VDAC1: variants seen among roughly 807,000 people sequenced by gnomAD.
VDAC1 encodes non-selective voltage-gated ion channel VDAC1.
A neutral mutation model predicts 34.7 loss-of-function variants in VDAC1; 10 were observed. That is an observed-to-expected ratio of 0.29 (90% CI 0.18 to 0.49). The LOEUF is 0.49. VDAC1 is among the 20% of genes least tolerant of loss of function. VDAC1 has a pLI of 0.99. For missense variants in VDAC1, 230 were observed against 347.9 expected (o/e 0.66, Z 2.69); for synonymous variants, 130 against 136.0 (o/e 0.96, Z 0.30).
the VDAC1 span, among the ~76,000 whole-genome samples, chr5:134,083,233 G>C: frequency 1.4e-5 from 2 of 143,350 alleles, no homozygotes; most frequent in Non-Finnish European, 3.0e-5. Flanking sequence ...TTGTTGTCCA[G>C]GCTGGAGTGC....
chr5:134,106,671 G>T, the VDAC1 span, among the ~76,000 whole-genome samples: 1 of 152,150 alleles, frequency 6.6e-6, no homozygotes, highest in African/African-American at 2.4e-5. Context: ...CTCACAAAGT[G>T]CTGGGATTAC....
chr5:134,035,835 TC>T, the VDAC1 span, among the ~76,000 whole-genome samples: 1 of 151,818 alleles, frequency 6.6e-6, no homozygotes, highest in Non-Finnish European at 1.5e-5. Context: ...TGAAACCCCG[TC>T]TCTACTAAAA....
the VDAC1 span, among the ~76,000 whole-genome samples, chr5:134,049,980 G>A: frequency 6.6e-6 from 1 of 152,162 alleles, no homozygotes; most frequent in Non-Finnish European, 1.5e-5. Flanking sequence ...CCCAGGCGCG[G>A]TGGCTCACGC....
rs1437715306 is a variant in VDAC1, at chr5:133,980,868, T to A, written c.412A>T (p.Ile138Phe). The A allele has an allele frequency of 2.5e-6, 4 of 1,613,982 alleles. No individual in the cohort carries two copies. The East Asian group carries it at 6.7e-5, about 27-fold the overall frequency. The change falls in exon 6 of 9, where the codon ATC (isoleucine) becomes TTC (phenylalanine). Residue 138 changes from isoleucine (I) to phenylalanine (F), a missense_variant. Ile to Phe is a conservative substitution (Grantham distance 21, BLOSUM62 0). Coordinates refer to ENST00000265333, the MANE Select transcript of VDAC1 (RefSeq NM_003374.3). ...DMDFDIAGPS[I>F]RGALVLGYEG... ...TAACCTAGCACCAGAGCACCCCGGA[T>A]GGAAGGCCCAGCAATGTCGAAATCC...
chr5:134,015,135 C>G, the VDAC1 span, among the ~76,000 whole-genome samples: 89 of 152,056 alleles, frequency 5.9e-4, no homozygotes, highest in African/African-American at 2.1e-3. Context: ...TGCATGTTCT[C>G]ACTTATAAGT....
the VDAC1 span, among the ~76,000 whole-genome samples, chr5:134,057,633 G>T: frequency 4.6e-5 from 7 of 151,386 alleles, no homozygotes; most frequent in African/African-American, 1.7e-4. Flanking sequence ...AGGTTACAGT[G>T]AGCAGAGATT....
the VDAC1 span, among the ~76,000 whole-genome samples, chr5:134,053,586 G>T: frequency 6.6e-6 from 1 of 152,186 alleles, no homozygotes; most frequent in African/African-American, 2.4e-5. Flanking sequence ...GAAGCCTGGG[G>T]GGAAACAGAA....
At chr5:134,096,042 C>G in the VDAC1 span, among the ~76,000 whole-genome samples, 1 of 152,210 alleles carries the variant, frequency 6.6e-6, no homozygotes, top group Non-Finnish European at 1.5e-5. Flanking sequence ...CCCTTGAGAC[C>G]GATAAGCCAT....
At chr5:134,005,384 TA>T (rs1027469921), upstream of VDAC1, 8 of 152,308 alleles carry the variant, frequency 5.3e-5, no homozygotes, top group African/African-American at 1.7e-4. Flanking sequence ...GCGCTCCGGA[TA>T]CAATGTGTCT....
At chr5:133,991,203 G>A in intron 3 of VDAC1, 49 bp from the exon 4 acceptor site, 5 of 1,600,886 alleles carry the variant, frequency 3.1e-6, no homozygotes, top group Non-Finnish European at 4.2e-6. Flanking sequence ...CACTCACTTG[G>A]CTTCACTTCA....
At chr5:134,046,005 C>T in the VDAC1 span, among the ~76,000 whole-genome samples, 2 of 139,822 alleles carry the variant, frequency 1.4e-5, no homozygotes, top group Non-Finnish European at 1.5e-5. Flanking sequence ...TTTTTTTTTT[C>T]CATTTTTATT....
chr5:134,010,289 A>C, the VDAC1 span, among the ~76,000 whole-genome samples: 1 of 152,036 alleles, frequency 6.6e-6, no homozygotes, highest in Non-Finnish European at 1.5e-5. Context: ...CCTTGAGGAA[A>C]TATGGTTACA....
chr5:134,061,136 A>G, the VDAC1 span, among the ~76,000 whole-genome samples: 4 of 146,862 alleles, frequency 2.7e-5, 1 homozygote, highest in Non-Finnish European at 6.0e-5. Flanking sequence ...AAGTGCTGGG[A>G]TTACAGACAT....
At position 133,980,841 on chromosome 5, in the gene VDAC1, C is replaced by T. The variant is rs1293289679; in HGVS notation, c.439G>A (p.Glu147Lys). 4 of 1,613,802 alleles carry T rather than the reference C, an allele frequency of 2.5e-6. No individual in the cohort carries two copies. The highest frequency in any genetic ancestry group is 2.2e-5 in the East Asian group (1 of 44,882). Reference sequence around the variant, plus strand: ...ATCTGGTAGCCGGCCAGCCAGCCCTCGTAACCTAGCACCAGAGCACCCCGG... The same window carrying T: ...ATCTGGTAGCCGGCCAGCCAGCCCTTGTAACCTAGCACCAGAGCACCCCGG... ...SIRGALVLGY[E>K]GWLAGYQMNF... The change falls in exon 6 of 9, where the codon GAG becomes AAG. Residue 147 changes from glutamate (E) to lysine (K), a missense_variant. Glu to Lys is a moderately conservative substitution (Grantham distance 56). Transcript: ENST00000265333.
chr5:133,987,018 T>C (rs1387299554), intron 5 of VDAC1, among the ~76,000 whole-genome samples: 2 of 152,232 alleles, frequency 1.3e-5, no homozygotes, highest in African/African-American at 4.8e-5. Context: ...AGCTCTTCCT[T>C]ACGGTAGAAT....
At chr5:134,092,556 A>G in the VDAC1 span, among the ~76,000 whole-genome samples, 1 of 151,968 alleles carries the variant, frequency 6.6e-6, no homozygotes, top group African/African-American at 2.4e-5. Context: ...GGTGCCTGTA[A>G]TCCCAGCTAC....
In VDAC1 at chr5:133,979,774, G is replaced by A. The variant is rs184079100; in HGVS notation, c.551+955C>T. On this transcript the variant is annotated intron_variant, in intron 6 of 8. Coordinates refer to ENST00000265333, the MANE Select transcript of VDAC1 (RefSeq NM_003374.3). ...TACATTTTTACGAATTTTAACACAC[G>A]TACACAGATTAATGTAACCATGACG... Among the ~76,000 whole-genome samples the A allele has an allele frequency of 1.8e-3, 280 of 152,158 alleles. 2 individuals are homozygous for A. Among genetic ancestry groups the A allele is most frequent in the African/African-American group, 6.4e-3 (264 of 41,508 alleles).
At chr5:134,051,096 G>C in the VDAC1 span, among the ~76,000 whole-genome samples, 1 of 152,242 alleles carries the variant, frequency 6.6e-6, no homozygotes, top group African/African-American at 2.4e-5. Context: ...CCTCCAGCTA[G>C]AGGAGGACAG....
At chr5:133,989,829 A>T (rs532902635) in intron 5 of VDAC1, among the ~76,000 whole-genome samples, 2 of 152,110 alleles carry the variant, frequency 1.3e-5, no homozygotes, top group South Asian at 4.2e-4. Context: ...AGGCGCAGCT[A>T]ATTTTTATGT....
Sources: allele counts gnomAD v4.1 joint callset (sites outside exome capture counted in the v4.1 genomes callset), GRCh38; gene constraint gnomAD v4.1.1; transcripts MANE v1.5; gene names NCBI Gene and HGNC (gene_info 2026-07-23, HGNC 2026-07-21).